The following JMJD1C variants were observed in gnomAD, a reference collection of about 807,000 sequenced individuals.
The protein encoded by JMJD1C is jumonji domain containing 1C, also known as jumonji domain-containing protein 1C.
In JMJD1C, 31 loss-of-function variants were observed where a neutral mutation model predicts 245.3. The observed-to-expected ratio is 0.13, with a 90% CI of 0.09 to 0.17. JMJD1C has a LOEUF of 0.17. Ranked by LOEUF, JMJD1C falls within the 10% of genes least tolerant of loss-of-function variation. JMJD1C has a pLI of 1.00. For missense variants in JMJD1C, 2,691 were observed against 3,000.2 expected (o/e 0.90, Z 2.41); for synonymous variants, 1,057 against 1,017.4 (o/e 1.04, Z -0.74).
intron 3 of JMJD1C, among the ~76,000 whole-genome samples, chr10:63,255,388 A>T (rs1853739138): frequency 6.6e-6 from 1 of 152,368 alleles, no homozygotes; most frequent in Non-Finnish European, 1.5e-5. Flanking sequence ...ATTGATACTG[A>T]CACACGTAAG....
intron 2 of JMJD1C, among the ~76,000 whole-genome samples, chr10:63,296,013 A>ATATTTTTT (rs71025149): frequency 4.7e-5 from 4 of 84,274 alleles, no homozygotes; most frequent in African/African-American, 8.3e-5. Flanking sequence ...GTATATATAT[A>ATATTTTTT]TTTTTTTTTT....
At chr10:63,210,635 C>T (rs544238415) in intron 8 of JMJD1C, among the ~76,000 whole-genome samples, 2 of 152,254 alleles carry the variant, frequency 1.3e-5, no homozygotes, top group South Asian at 2.1e-4. Flanking sequence ...TCTTGGCTCT[C>T]CTGTGTTCCT....
At chr10:63,444,686 C>T (rs1951596659) in intron 1 of JMJD1C, among the ~76,000 whole-genome samples, 2 of 142,798 alleles carry the variant, frequency 1.4e-5, no homozygotes, top group Non-Finnish European at 3.0e-5. Flanking sequence ...AGTGCAATAA[C>T]ACGATCTCAG....
At chr10:63,461,906 TCTG>T (rs1952824321) in intron 1 of JMJD1C, among the ~76,000 whole-genome samples, 1 of 152,250 alleles carries the variant, frequency 6.6e-6, no homozygotes, top group East Asian at 1.9e-4. Context: ...TAAATTGATG[TCTG>T]CTATTTAATT....
intron 1 of JMJD1C, among the ~76,000 whole-genome samples, chr10:63,435,521 A>C (rs1252368244): frequency 1.3e-5 from 2 of 152,190 alleles, no homozygotes; most frequent in Non-Finnish European, 2.9e-5. Context: ...TCTGAGGATT[A>C]ATATGTATTT....
Position 63,214,729 on chromosome 10 carries a change from G to T in JMJD1C, c.1438C>A (p.Pro480Thr), listed in dbSNP as rs200836663. ...VSDHNSNDLL[P>T]QECNMDKTHT... The stretch of plus-strand genomic sequence containing the variant: ...GTTTTATCCATATTGCATTCCTGAG[G>T]AAGTAAATCATTAGAATTATGATCA... Residue 480 changes from proline to threonine, a missense_variant, in exon 8 of 26, where the codon CCT becomes ACT. This residue lies in a region of JMJD1C where 1,562 missense variants were observed against 1,490.7 expected (regional missense o/e 1.05). Coordinates refer to ENST00000399262, the MANE Select transcript of JMJD1C (RefSeq NM_032776.3). 2.5e-5 allele frequency: 41 copies of T among 1,613,942 alleles called. No individual in the cohort carries two copies. Among genetic ancestry groups the T allele is most frequent in the African/African-American group, 4.0e-5 (3 of 75,028 alleles).
At chr10:63,233,369 G>A (rs576402901) in intron 3 of JMJD1C, among the ~76,000 whole-genome samples, 39 of 152,054 alleles carry the variant, frequency 2.6e-4, no homozygotes, top group Middle Eastern at 3.4e-3. Flanking sequence ...GAAAAGCACT[G>A]TCTGTAACAT....
At chr10:63,349,697 A>G (rs1344870148) in intron 2 of JMJD1C, among the ~76,000 whole-genome samples, 1 of 152,256 alleles carries the variant, frequency 6.6e-6, no homozygotes, top group Middle Eastern at 3.2e-3. Flanking sequence ...TAGCAGAAAT[A>G]GGTGAAAAGG....
intron 1 of JMJD1C, among the ~76,000 whole-genome samples, chr10:63,412,963 T>G (rs1022159574): frequency 6.6e-6 from 1 of 152,160 alleles, no homozygotes; most frequent in African/African-American, 2.4e-5. Flanking sequence ...CACAGAAGAA[T>G]AGTGTATACG....
intron 2 of JMJD1C, among the ~76,000 whole-genome samples, chr10:63,274,106 G>A (rs1856570260): frequency 6.6e-6 from 1 of 151,962 alleles, no homozygotes; most frequent in African/African-American, 2.4e-5. Flanking sequence ...ACATATGGGT[G>A]GAAAAAAAGA....
At chr10:63,185,397 GC>G (rs1177477938) in intron 20 of JMJD1C, among the ~76,000 whole-genome samples, 165 bp downstream of exon 20, 1 of 152,242 alleles carries the variant, frequency 6.6e-6, no homozygotes, top group Non-Finnish European at 1.5e-5. Flanking sequence ...CTCCCAAAGT[GC>G]TGGGATTATA....
chr10:63,231,506 G>T (rs1423871251), intron 3 of JMJD1C, among the ~76,000 whole-genome samples: 1 of 152,114 alleles, frequency 6.6e-6, no homozygotes, highest in South Asian at 2.1e-4. Context: ...ATAAAACAAG[G>T]AAATAGGCCG....
chr10:63,299,721 G>C, intron 2 of JMJD1C, among the ~76,000 whole-genome samples: 1 of 152,028 alleles, frequency 6.6e-6, no homozygotes, highest in Admixed American at 6.6e-5. Context: ...ATTTGAAGAT[G>C]AACAAACTGG....
intron 3 of JMJD1C, among the ~76,000 whole-genome samples, chr10:63,238,696 T>C (rs1851090695): frequency 6.6e-6 from 1 of 152,202 alleles, no homozygotes; most frequent in African/African-American, 2.4e-5. Flanking sequence ...TCACCACTTT[T>C]TAAAGTGTTG....
At chr10:63,434,265 A>G (rs1255781725) in intron 1 of JMJD1C, among the ~76,000 whole-genome samples, 1 of 152,238 alleles carries the variant, frequency 6.6e-6, no homozygotes, top group African/African-American at 2.4e-5. Context: ...TGCCTGAAAC[A>G]ACAAAAAACC....
chr10:63,271,935 C>T (rs1424549516), intron 2 of JMJD1C, among the ~76,000 whole-genome samples: 2 of 151,764 alleles, frequency 1.3e-5, no homozygotes, highest in African/African-American at 4.8e-5. Flanking sequence ...TTAGCCAGGG[C>T]ATGGTGGCGT....
In JMJD1C at chr10:63,214,737, T is replaced by A. The variant is rs1236745116; in HGVS notation, c.1430A>T (p.Asp477Val). Residue 477 changes from aspartate to valine, a missense_variant, in exon 8 of 26, where the codon GAT (aspartate) becomes GTT (valine). By Grantham distance (152) the Asp-to-Val change is radical. This residue lies in a region of JMJD1C where 1,562 missense variants were observed against 1,490.7 expected (regional missense o/e 1.05). Transcript: ENST00000399262. ...QSTVSDHNSNDLLPQECNMDK... is the reference protein window; with the variant it reads ...QSTVSDHNSNVLLPQECNMDK... ...CATATTGCATTCCTGAGGAAGTAAA[T>A]CATTAGAATTATGATCAGAAACTGT... is the stretch of plus-strand genomic sequence containing the variant. 2 of 1,613,986 alleles carry A rather than the reference T, an allele frequency of 1.2e-6. No individual in the cohort carries two copies. Among genetic ancestry groups the A allele is most frequent in the South Asian group, 1.1e-5 (1 of 91,072 alleles).
At chr10:63,192,565 T>G (rs1844966128) in intron 16 of JMJD1C, among the ~76,000 whole-genome samples, 1 of 152,106 alleles carries the variant, frequency 6.6e-6, no homozygotes, top group Non-Finnish European at 1.5e-5. Flanking sequence ...CAAAACTCCG[T>G]GCTCCCCGAC....
intron 2 of JMJD1C, among the ~76,000 whole-genome samples, chr10:63,308,802 A>AT (rs1938694807): frequency 6.6e-6 from 1 of 151,604 alleles, no homozygotes; most frequent in South Asian, 2.1e-4. Flanking sequence ...AGAAAAAAAA[A>AT]CAACAACTAA....
Sources: allele counts gnomAD v4.1 joint callset (sites outside exome capture counted in the v4.1 genomes callset), GRCh38; gene constraint gnomAD v4.1.1; regional missense constraint gnomAD v4.1.1; transcripts MANE v1.5; gene names NCBI Gene and HGNC (gene_info 2026-07-23, HGNC 2026-07-21).